RBFOX1: variants seen among roughly 807,000 people sequenced by gnomAD.
RBFOX1 encodes the protein RNA binding fox-1 homolog 1.
Under a neutral mutation model 57.7 loss-of-function variants are expected in RBFOX1, and 8 were observed. That is an observed-to-expected ratio of 0.14 (90% CI 0.08 to 0.25). RBFOX1 has a LOEUF of 0.25. Ranked by LOEUF, RBFOX1 falls within the 10% of genes least tolerant of loss-of-function variation. RBFOX1 has a pLI of 1.00. For missense variants in RBFOX1, 611 were observed against 548.5 expected, an observed-to-expected ratio of 1.11 and a Z score of -1.14; for synonymous variants, 326 against 222.4, an observed-to-expected ratio of 1.47 and a Z score of -4.15.
At chr16:7,246,842 A>T (rs937060157) in intron 4 of RBFOX1, among the ~76,000 whole-genome samples, 1 of 152,092 alleles carries the variant, frequency 6.6e-6, no homozygotes, top group Non-Finnish European at 1.5e-5. Context: ...TACAGCATAA[A>T]GGCTTCAGAG....
chr16:5,993,933 T>A (rs760605127), intron 4 of RBFOX1, among the ~76,000 whole-genome samples: 1 of 152,132 alleles, frequency 6.6e-6, no homozygotes, highest in Non-Finnish European at 1.5e-5. Flanking sequence ...AGCACTTGAT[T>A]TGGATGCCTT....
At position 6,651,754 on chromosome 16, in the gene RBFOX1, C is replaced by T. The variant is rs528126121; in HGVS notation, c.-63-2849C>T. On this transcript the variant is annotated intron_variant, in intron 2 of 15. Transcript: ENST00000550418. ...GCAGGGAGTTGAATAGATACGTACA[C>T]ACCCGTGTTCATAGCAGCATCATTC... 1.1e-3 allele frequency among the ~76,000 whole-genome samples: 170 copies of T among 152,290 alleles called. 1 individual carries two copies. The highest frequency in any genetic ancestry group is 3.8e-3 in the African/African-American group (159 of 41,558).
chr16:5,546,933 A>G (rs747039675), intron 2 of RBFOX1, among the ~76,000 whole-genome samples: 11 of 152,230 alleles, frequency 7.2e-5, no homozygotes, highest in Non-Finnish European at 1.5e-4. Context: ...CAATAAAACA[A>G]TGATAAAATA....
At position 7,462,075 on chromosome 16, in the gene RBFOX1, C is replaced by G. The variant is rs553628557; in HGVS notation, c.28-56072C>G. ...GACAATAGAACTGTGAAAATCTTCT[C>G]CTGGGGTTCTTTTCTTGGTATTTGG... is the stretch of plus-strand genomic sequence containing the variant. On this transcript the variant is annotated intron_variant, in intron 4 of 15. Coordinates refer to ENST00000550418, the MANE Select transcript of RBFOX1 (RefSeq NM_018723.4). Among the ~76,000 whole-genome samples the G allele has an allele frequency of 9.2e-5, 14 of 152,290 alleles. No homozygotes were observed. The South Asian group carries it at 2.9e-3, about 32-fold the overall frequency.
At chr16:7,033,527 G>A (rs1034664054) in intron 3 of RBFOX1, among the ~76,000 whole-genome samples, 1 of 152,100 alleles carries the variant, frequency 6.6e-6, no homozygotes, top group Non-Finnish European at 1.5e-5. Context: ...CTCAAAAACT[G>A]AAAACAATGG....
At chr16:6,656,609 C>G (rs921430988) in intron 3 of RBFOX1, among the ~76,000 whole-genome samples, 8 of 150,660 alleles carry the variant, frequency 5.3e-5, no homozygotes, top group African/African-American at 1.5e-4. Context: ...GACACACACA[C>G]ACACACACAC....
At chr16:6,500,757 A>T (rs17140373) in intron 2 of RBFOX1, among the ~76,000 whole-genome samples, 104,484 of 151,874 alleles carry the variant, frequency 0.69, 37,694 homozygotes, top group Non-Finnish European at 0.78. Flanking sequence ...AGATGTTGTT[A>T]TTCTCCTCAC....
At chr16:5,243,390 C>T (rs147693939) in intron 1 of RBFOX1, among the ~76,000 whole-genome samples, 241 of 152,302 alleles carry the variant, frequency 1.6e-3, no homozygotes, top group African/African-American at 5.4e-3. Context: ...CAGCCTGGGG[C>T]TCCTGTAGAG....
At chr16:5,617,030 G>T (rs2151271087) in intron 3 of RBFOX1, among the ~76,000 whole-genome samples, 1 of 152,026 alleles carries the variant, frequency 6.6e-6, no homozygotes. Context: ...TAGATCATGA[G>T]TCCCAGCTGC....
chr16:7,274,140 G>C (rs1304147895), intron 4 of RBFOX1, among the ~76,000 whole-genome samples: 1 of 152,126 alleles, frequency 6.6e-6, no homozygotes, highest in Non-Finnish European at 1.5e-5. Flanking sequence ...TGATGCCTTT[G>C]TCTATCCTGG....
chr16:6,193,596 A>G (rs2097161353), intron 1 of RBFOX1, among the ~76,000 whole-genome samples: 1 of 151,440 alleles, frequency 6.6e-6, no homozygotes. Context: ...AAAAATAAAG[A>G]ATAAACACAA....
At chr16:7,454,639 C>G (rs144272938) in intron 4 of RBFOX1, among the ~76,000 whole-genome samples, 1 of 152,310 alleles carries the variant, frequency 6.6e-6, no homozygotes, top group African/African-American at 2.4e-5. Context: ...AGACAAGACT[C>G]TATCTACAGG....
intron 2 of RBFOX1, among the ~76,000 whole-genome samples, chr16:5,528,590 A>C (rs1237316768): frequency 4.5e-5 from 5 of 111,050 alleles, no homozygotes; most frequent in Non-Finnish European, 5.2e-5. Context: ...TCCGATCCCC[A>C]ATTCATTCTC....
chr16:7,379,606 A>G (rs2097752358), intron 4 of RBFOX1, among the ~76,000 whole-genome samples: 1 of 152,318 alleles, frequency 6.6e-6, no homozygotes, highest in African/African-American at 2.4e-5. Flanking sequence ...AAAATTCAGG[A>G]TATTGTCTGT....
chr16:5,934,801 T>A (rs1210637991), intron 4 of RBFOX1, among the ~76,000 whole-genome samples: 1 of 152,182 alleles, frequency 6.6e-6, no homozygotes, highest in African/African-American at 2.4e-5. Flanking sequence ...ATGAATAACA[T>A]ACTCAGACAC....
intron 4 of RBFOX1, among the ~76,000 whole-genome samples, chr16:7,057,026 A>C (rs2052534092): frequency 7.0e-6 from 1 of 141,974 alleles, no homozygotes; most frequent in Admixed American, 6.9e-5. Context: ...TCGTTAAAGC[A>C]CTGAAAAAAA....
intron 3 of RBFOX1, among the ~76,000 whole-genome samples, chr16:5,811,659 C>T (rs1190638282): frequency 6.6e-6 from 1 of 151,806 alleles, no homozygotes; most frequent in Non-Finnish European, 1.5e-5. Flanking sequence ...CGATGTTGGC[C>T]TGGGTGGTGT....
At chr16:5,860,765 C>A (rs775817254) in intron 3 of RBFOX1, among the ~76,000 whole-genome samples, 2 of 152,170 alleles carry the variant, frequency 1.3e-5, no homozygotes, top group Non-Finnish European at 2.9e-5. Context: ...GGGTCAACGT[C>A]CTTCTCCACA....
chr16:6,452,104 C>G (rs561556960), intron 2 of RBFOX1, among the ~76,000 whole-genome samples: 18 of 147,304 alleles, frequency 1.2e-4, no homozygotes, highest in Admixed American at 3.4e-4. Context: ...CCTTCCATGG[C>G]TCCATCCATG....
Sources: allele counts gnomAD v4.1 joint callset (sites outside exome capture counted in the v4.1 genomes callset), GRCh38; gene constraint gnomAD v4.1.1; transcripts MANE v1.5; gene names NCBI Gene and HGNC (gene_info 2026-07-23, HGNC 2026-07-21).